The following SIPA1 variants were observed in gnomAD, a reference collection of about 807,000 sequenced individuals.
SIPA1 encodes signal-induced proliferation-associated 1.
In SIPA1, 51 loss-of-function variants were observed where a neutral mutation model predicts 88.1. The observed-to-expected ratio is 0.58, with a 90% CI of 0.46 to 0.73. SIPA1 has a LOEUF of 0.73. Ranked by LOEUF, SIPA1 falls within the 30% of genes least tolerant of loss-of-function variation. The pLI, the probability that SIPA1 is intolerant of heterozygous loss-of-function variation, is 0.00. For synonymous variants in SIPA1, 681 were observed against 664.8 expected, an observed-to-expected ratio of 1.02 and a Z score of -0.37; for missense variants, 1,348 against 1,467.6, an observed-to-expected ratio of 0.92 and a Z score of 1.33.
At position 65,642,901 on chromosome 11, in the gene SIPA1, C is replaced by CTTTCTTTATTTATTTATTTATTTATTTA. The variant is rs1555003564; in HGVS notation, c.984+265_984+266insCTTTATTTATTTATTTATTTATTTATTT. 6.8e-6 allele frequency among the ~76,000 whole-genome samples: 1 copy of CTTTCTTTATTTATTTATTTATTTATTTA among 146,856 alleles called. No homozygotes were observed. The highest frequency in any genetic ancestry group is 2.5e-5 in the African/African-American group (1 of 39,296). On this transcript the variant is annotated intron_variant, in intron 4 of 15. Transcript: ENST00000534313. This position sits in a 1 kb window ranked among gnomAD's most constrained non-coding sequence, Gnocchi z 6.5. ...CAGACCATCTGAATCAGAGTTTGCA[C>CTTTCTTTATTTATTTATTTATTTATTTA]TTTATTTATTTATTTATTTATTTAT...
In SIPA1 at chr11:65,646,170, G is replaced by A. The variant is rs1565181349; in HGVS notation, c.1264-51G>A. 6.3e-7 allele frequency: 1 copy of A among 1,595,902 alleles called. No homozygotes were observed. Among genetic ancestry groups the A allele is most frequent in the Non-Finnish European group, 8.6e-7 (1 of 1,168,636 alleles). On this transcript the variant is annotated intron_variant, in intron 6 of 15. Transcript: ENST00000534313. The surrounding 1 kb of genome is among the most constrained non-coding windows in gnomAD (Gnocchi z 7.5). ...GCTTTCTCCTGCCTGAATGAGGAGG[G>A]GTTTGGGGCACAGAAGACCTCATCA...
In SIPA1 at chr11:65,650,237, C is replaced by T. The variant is rs778680725; in HGVS notation, c.2903+45C>T. ...ACAGCCGCTTTACCTGCCCACATGACCCCCCCTTCGTGCCTGTCTGCTGGG... is the reference window on the plus strand; with the variant it reads ...ACAGCCGCTTTACCTGCCCACATGATCCCCCCTTCGTGCCTGTCTGCTGGG... On this transcript the variant is annotated intron_variant, in intron 14 of 15. Transcript: ENST00000534313. The T allele has an allele frequency of 3.1e-6, 5 of 1,593,114 alleles. No homozygotes were observed. In the South Asian group the frequency reaches 3.3e-5, roughly 11 times the overall value.
chr11:65,650,344 A>G, intron 14 of SIPA1, 57 bp from the exon 15 acceptor site: 8 of 1,584,640 alleles, frequency 5.0e-6, no homozygotes, highest in Non-Finnish European at 6.9e-6. Flanking sequence ...GCTGGGAGTC[A>G]GCTGGTGCAC....
rs1856117763 is a variant in SIPA1 at position 65,646,451 on chromosome 11, C to T, written c.1422-5C>T. On this transcript the variant is annotated splice_region_variant and splice_polypyrimidine_tract_variant and intron_variant, in intron 7 of 15. Transcript: ENST00000534313. This position sits in a 1 kb window ranked among gnomAD's most constrained non-coding sequence, Gnocchi z 7.5. ...CGCCCCTCACTAACGCCTCCCTCCC[C>T]GCAGGGTGGCCGTGAGCCGCACCCA... 3 of 1,587,566 alleles carry T rather than the reference C, an allele frequency of 1.9e-6. No individual in the cohort carries two copies. Among genetic ancestry groups the T allele is most frequent in the South Asian group, 1.1e-5 (1 of 89,832 alleles).
Position 65,646,224 on chromosome 11 carries a change from C to T in SIPA1, c.1267C>T (p.Leu423Phe). The change falls in exon 7 of 16, where the codon CTC becomes TTC. Residue 423 changes from leucine (L) to phenylalanine (F), a missense_variant. Transcript: ENST00000534313. The surrounding 1 kb of genome is among the most constrained non-coding windows in gnomAD (Gnocchi z 7.5). ...PYTPNNQQQL[L>F]RKRHIGNDIV... is the part of the protein sequence containing the mutation. ...GCCCCTACTATCCAACCCCTAGCTC[C>T]TCCGGAAGCGCCACATTGGCAACGA... is the stretch of plus-strand genomic sequence containing the variant. 6.2e-7 allele frequency: 1 copy of T among 1,613,946 alleles called. No homozygotes were observed.
intron 9 of SIPA1, 117 bp downstream of exon 9, chr11:65,647,775 T>A: frequency 2.5e-6 from 2 of 800,548 alleles, no homozygotes; most frequent in Non-Finnish European, 1.7e-6. Flanking sequence ...CCTTTCCTTC[T>A]GGAAAGAATC....
intron 8 of SIPA1, 37 bp from the exon 9 acceptor site, chr11:65,647,347 C>T: frequency 7.3e-7 from 1 of 1,378,026 alleles, no homozygotes; most frequent in Non-Finnish European, 9.3e-7. Flanking sequence ...GCCCCACCTC[C>T]CGGCAGCCCC....
intron 14 of SIPA1, 79 bp downstream of exon 14, chr11:65,650,271 C>A: frequency 6.4e-7 from 1 of 1,554,542 alleles, no homozygotes; most frequent in Non-Finnish European, 8.9e-7. Context: ...GGGTGGAGCT[C>A]TGTCCTGGGC....
chr11:65,650,134 A>T lies in SIPA1; in HGVS notation c.2849-4A>T. Reference sequence around the variant, plus strand: ...CTGCCCACCTGATCCCTTTGTCCCCACAGGACAGCCCATCCCAGAGAGTGG... The same window carrying T: ...CTGCCCACCTGATCCCTTTGTCCCCTCAGGACAGCCCATCCCAGAGAGTGG... On this transcript the variant is annotated splice_region_variant and splice_polypyrimidine_tract_variant and intron_variant, in intron 13 of 15. Coordinates refer to ENST00000534313, the MANE Select transcript of SIPA1 (RefSeq NM_006747.4). 1 of 1,613,936 alleles carries T rather than the reference A, an allele frequency of 6.2e-7. No homozygotes were observed. The highest frequency in any genetic ancestry group is 2.2e-5 in the East Asian group (1 of 44,874).
chr11:65,644,746 T>C (rs997367988), intron 4 of SIPA1, among the ~76,000 whole-genome samples: 2 of 152,048 alleles, frequency 1.3e-5, no homozygotes, highest in African/African-American at 2.4e-5. Flanking sequence ...TACTGCCACA[T>C]GGGAACCAGC....
rs747232326 is a variant in SIPA1, at chr11:65,641,196, C to A, written c.275C>A (p.Pro92Gln). ...ACTTCCACCCGGCTCTTCACTGACCCGCTGGCACTGCTGGGGCTGCCAGCA... is the reference window on the plus strand; with the variant it reads ...ACTTCCACCCGGCTCTTCACTGACCAGCTGGCACTGCTGGGGCTGCCAGCA... ...AATSTRLFTDPLALLGLPAEE... is the reference protein window; with the variant it reads ...AATSTRLFTDQLALLGLPAEE... Residue 92 changes from proline to glutamine, a missense_variant, in exon 2 of 16, where the codon CCG (proline) becomes CAG (glutamine). Pro to Gln is a moderately conservative substitution (Grantham distance 76, BLOSUM62 -1). This residue lies in a region of SIPA1 where 641 missense variants were observed against 797.7 expected (regional missense o/e 0.80). Transcript: ENST00000534313. 6.2e-7 allele frequency: 1 copy of A among 1,611,830 alleles called. No homozygotes were observed. The highest frequency in any genetic ancestry group is 1.7e-5 in the Admixed American group (1 of 60,036).
intron 8 of SIPA1, 36 bp from the exon 9 acceptor site, chr11:65,647,348 C>A: frequency 1.5e-6 from 2 of 1,378,466 alleles, no homozygotes; most frequent in East Asian, 3.1e-5. Context: ...CCCCACCTCC[C>A]GGCAGCCCCG....
rs553379249 is a variant in SIPA1 at position 65,646,987 on chromosome 11, C to T, written c.1953C>T (p.His651=). ...TFSEQQLDLY[H]GRGEAITLRF... is the part of the protein sequence containing the mutation. Reference sequence around the variant, plus strand: ...CCGAGCAGCAGCTGGACCTGTACCACGGCCGCGGGGAGGCGATCACGCTGC... The same window carrying T: ...CCGAGCAGCAGCTGGACCTGTACCATGGCCGCGGGGAGGCGATCACGCTGC... Residue 651 remains histidine (H), a synonymous_variant, in exon 8 of 16, where the codon CAC becomes CAT. Coordinates refer to ENST00000534313, the MANE Select transcript of SIPA1 (RefSeq NM_006747.4). The surrounding 1 kb of genome is among the most constrained non-coding windows in gnomAD (Gnocchi z 7.5). The T allele has an allele frequency of 2.6e-6, 4 of 1,539,858 alleles. No homozygotes were observed. In the South Asian group the frequency reaches 3.6e-5, roughly 14 times the overall value.
Position 65,642,990 on chromosome 11 carries a change from A to T in SIPA1, c.984+351A>T, listed in dbSNP as rs1366499458. Among the ~76,000 whole-genome samples the T allele has an allele frequency of 6.6e-5, 10 of 152,048 alleles. No individual in the cohort carries two copies. The East Asian group carries it at 1.9e-3, about 29-fold the overall frequency. On this transcript the variant is annotated intron_variant, in intron 4 of 15. Transcript: ENST00000534313. This position sits in a 1 kb window ranked among gnomAD's most constrained non-coding sequence, Gnocchi z 6.5. ...GAGTGCAATGGTGGAATCTCAGCTC[A>T]CTGCAACCTCTGCCTTCCGGGTTCA...
intron 8 of SIPA1, 133 bp downstream of exon 8, chr11:65,647,198 C>A: frequency 7.1e-7 from 1 of 1,408,130 alleles, no homozygotes; most frequent in South Asian, 1.6e-5. Flanking sequence ...AGCCCCGGGG[C>A]TTGGCAAGGC....
Position 65,649,481 on chromosome 11 carries a change from G to C in SIPA1, c.2525+1G>C. 1 of 1,613,548 alleles carries C rather than the reference G, an allele frequency of 6.2e-7. No individual in the cohort carries two copies. Among genetic ancestry groups the C allele is most frequent in the Non-Finnish European group, 8.5e-7 (1 of 1,179,636 alleles). On this transcript the variant is annotated splice_donor_variant, in intron 10 of 15. Transcript: ENST00000534313. LOFTEE classifies it high-confidence loss of function. ...GCCAGAACTCGCTGTCACCACGCAG[G>C]TGCACACTCTTGGCCTTCCCTCTCC...
At position 65,640,885 on chromosome 11, in the gene SIPA1, A is replaced by G. The variant is rs1370681833; in HGVS notation, c.-37A>G. The G allele has an allele frequency of 6.9e-7, 1 of 1,446,108 alleles. No individual in the cohort carries two copies. The highest frequency in any genetic ancestry group is 9.0e-7 in the Non-Finnish European group (1 of 1,106,366). The allele number at this position is 1,446,108 out of a possible 1,614,324, so 89.6% of individuals were successfully genotyped here. ...GGGCACCAAACACCCGTGCCCGCCA[A>G]TGCGGCCCAGCCCCCGGAGAGTCAG... On this transcript the variant is annotated 5_prime_UTR_variant, in exon 2 of 16. The change abolishes an upstream ATG in the 5' untranslated region. Transcript: ENST00000534313.
intron 5 of SIPA1, 22 bp downstream of exon 5, chr11:65,645,151 G>A: frequency 6.2e-7 from 1 of 1,608,660 alleles, no homozygotes; most frequent in Admixed American, 1.7e-5. Flanking sequence ...GGGCAGGAGG[G>A]GTGGGAGCAG....
chr11:65,647,578 G>A lies in SIPA1; in HGVS notation c.2226G>A (p.Glu742=). ...AGACTCTGCCCAGCCTCCGGCCCGA[G>A]GCCGCTGCCCAGCTCCTGCGCTCGG... The part of the protein sequence containing the change: ...CGQTLPSLRP[E]AAAQLLRSAP... The change falls in exon 9 of 16, where the codon GAG becomes GAA. Residue 742 remains glutamate (E), a synonymous_variant. Transcript: ENST00000534313. 1 of 1,349,308 alleles carries A rather than the reference G, an allele frequency of 7.4e-7. No homozygotes were observed. The allele number at this position is 1,349,308 out of a possible 1,614,324, so 83.6% of individuals were successfully genotyped here.
Sources: gnomAD v4.1 joint callset for allele counts (sites outside exome capture counted in the v4.1 genomes callset) on GRCh38, gnomAD v4.1.1 for gene constraint, gnomAD v4.1.1 regional missense constraint, Gnocchi (gnomAD v3.1) non-coding constraint, MANE v1.5 for transcripts, NCBI Gene and HGNC (gene_info 2026-07-23, HGNC 2026-07-21) for gene names.